Variants in LRRC7 observed in about 807,000 individuals in gnomAD.
LRRC7 encodes the protein leucine-rich repeat-containing protein 7.
LRRC7 carries 23 observed loss-of-function variants against 175.7 expected under a neutral mutation model. The ratio of observed to expected loss-of-function variants is 0.13; its 90% CI spans 0.09 to 0.19. The LOEUF (loss-of-function observed/expected upper bound fraction) is 0.19. Ranked by LOEUF, LRRC7 falls within the 10% of genes least tolerant of loss-of-function variation. LRRC7 has a pLI of 1.00. For missense variants in LRRC7, 1,354 were observed against 1,904.7 expected (o/e 0.71, Z 5.38); for synonymous variants, 685 against 680.9 (o/e 1.01, Z -0.09).
At chr1:69,617,435 T>G (rs1368306142) in intron 1 of LRRC7, among the ~76,000 whole-genome samples, 1 of 150,122 alleles carries the variant, frequency 6.7e-6, no homozygotes, top group African/African-American at 2.4e-5. Flanking sequence ...GTCTCCAATT[T>G]TAAAAAGTTT....
At chr1:69,690,874 A>G (rs1661772321) in intron 2 of LRRC7, among the ~76,000 whole-genome samples, 1 of 152,196 alleles carries the variant, frequency 6.6e-6, no homozygotes, top group African/African-American at 2.4e-5. Context: ...GGTAAGGAGA[A>G]TGAAATCATC....
chr1:69,919,315 A>G, intron 7 of LRRC7: 1 of 566,370 alleles, frequency 1.8e-6, no homozygotes, highest in Non-Finnish European at 3.1e-6. Context: ...ACCGTGTTCC[A>G]ATAAAACTTT....
intron 23 of LRRC7, among the ~76,000 whole-genome samples, chr1:70,073,734 G>A (rs1662563192): frequency 1.3e-5 from 2 of 152,192 alleles, no homozygotes; most frequent in Admixed American, 1.3e-4. Context: ...AGCACTGGCT[G>A]AAGACCCATG....
intron 1 of LRRC7, among the ~76,000 whole-genome samples, chr1:69,575,322 G>T (rs1179012903): frequency 1.3e-5 from 2 of 152,136 alleles, no homozygotes; most frequent in African/African-American, 4.8e-5. Context: ...TAATTCAATA[G>T]ATCCAATTAA....
Position 69,568,057 on chromosome 1 carries a change from G to A in LRRC7, c.-583G>A, listed in dbSNP as rs1646398843. Among the ~76,000 whole-genome samples, 1 of 152,056 alleles carries A rather than the reference G, an allele frequency of 6.6e-6. No homozygotes were observed. ...CGGCGGGACCTGCAGCCGCCCACTC[G>A]GGCCACCGCCACCGCCTCCTGCAGT... On this transcript the variant is annotated 5_prime_UTR_variant, in exon 1 of 27. Transcript: ENST00000651989.
chr1:69,807,660 G>A (rs1376145153), intron 4 of LRRC7, among the ~76,000 whole-genome samples: 1 of 152,014 alleles, frequency 6.6e-6, no homozygotes, highest in African/African-American at 2.4e-5. Context: ...TTCTGCCGAG[G>A]GATCCACTGT....
chr1:69,572,702 C>G (rs539844905), intron 1 of LRRC7, among the ~76,000 whole-genome samples: 7 of 152,150 alleles, frequency 4.6e-5, no homozygotes, highest in African/African-American at 1.7e-4. Flanking sequence ...TTAGGTAATA[C>G]ATCTCTTTTA....
Position 70,143,996 on chromosome 1 carries a change from A to G in LRRC7, c.*22109A>G, listed in dbSNP as rs1265245535. The G allele has an allele frequency of 1.3e-5, 2 of 152,202 alleles. No homozygotes were observed. The highest frequency in any genetic ancestry group is 1.3e-4 in the Admixed American group (2 of 15,274). The allele number at this position is 152,202 out of a possible 1,614,324, so 9.4% of individuals were successfully genotyped here. A position where few individuals can be genotyped will look rare whatever the true frequency, so the allele number is the denominator to read the frequency against. ...ATGTACTTACTGGTTTTTTTGCAGT[A>G]TGAGACCATAACAACCTTGAAAGCT... On this transcript the variant is annotated 3_prime_UTR_variant, in exon 27 of 27. Coordinates refer to ENST00000651989, the MANE Select transcript of LRRC7 (RefSeq NM_001370785.2).
At chr1:69,666,187 A>G (rs1032464775) in intron 1 of LRRC7, among the ~76,000 whole-genome samples, 2 of 152,078 alleles carry the variant, frequency 1.3e-5, no homozygotes, top group East Asian at 1.9e-4. Flanking sequence ...CTTGTTCATG[A>G]TAACTGATCT....
chr1:69,869,151 A>T (rs1482194462), intron 7 of LRRC7, among the ~76,000 whole-genome samples: 1 of 152,046 alleles, frequency 6.6e-6, no homozygotes, highest in East Asian at 1.9e-4. Flanking sequence ...TTTGGTAATC[A>T]TGTGGAGTTT....
intron 22 of LRRC7, among the ~76,000 whole-genome samples, chr1:70,052,369 ATAT>A (rs1660814306): frequency 6.6e-6 from 1 of 152,014 alleles, no homozygotes; most frequent in Admixed American, 6.6e-5. Context: ...TTAAATTTTA[ATAT>A]ATATCATTTA....
intron 7 of LRRC7, chr1:69,919,383 T>C (rs1483720124): frequency 1.6e-6 from 1 of 626,194 alleles, no homozygotes; most frequent in Non-Finnish European, 2.8e-6. Flanking sequence ...AACTGCCGCC[T>C]GGCTGGGAAA....
intron 4 of LRRC7, among the ~76,000 whole-genome samples, chr1:69,807,584 G>A (rs1557755255): frequency 6.6e-6 from 1 of 152,032 alleles, no homozygotes; most frequent in Non-Finnish European, 1.5e-5. Context: ...ATGAAATTCT[G>A]GGTTGAAAAT....
chr1:69,782,838 T>A (rs1351664588), intron 3 of LRRC7, among the ~76,000 whole-genome samples: 1 of 152,174 alleles, frequency 6.6e-6, no homozygotes. Flanking sequence ...TTCAGGTGGT[T>A]TGCAAGTTCC....
chr1:69,879,503 C>T (rs1686382169), intron 7 of LRRC7: 1 of 152,212 alleles, frequency 6.6e-6, no homozygotes, highest in Non-Finnish European at 1.5e-5. Context: ...TCCTGCCAAG[C>T]ACGGTTCCTA....
chr1:70,131,384 G>T lies in LRRC7; in HGVS notation c.*9497G>T, dbSNP rs1159330754. Among the ~76,000 whole-genome samples the T allele has an allele frequency of 2.6e-5, 4 of 152,108 alleles. No individual in the cohort carries two copies. Among genetic ancestry groups the T allele is most frequent in the Non-Finnish European group, 2.9e-5 (2 of 68,036 alleles). The stretch of plus-strand genomic sequence containing the variant: ...CCACAATCCCTTTATTACCTCATGG[G>T]ACCTTAATTTCCTTTCAAGTAAAAC... On this transcript the variant is annotated 3_prime_UTR_variant, in exon 27 of 27. Transcript: ENST00000651989.
intron 7 of LRRC7, among the ~76,000 whole-genome samples, chr1:69,903,875 C>T (rs559159526): frequency 6.6e-6 from 1 of 152,282 alleles, no homozygotes; most frequent in East Asian, 1.9e-4. Context: ...ACTATAAACA[C>T]CTCTATGCCA....
chr1:69,763,498 A>G (rs1476512088), intron 3 of LRRC7, among the ~76,000 whole-genome samples: 1 of 152,070 alleles, frequency 6.6e-6, no homozygotes, highest in African/African-American at 2.4e-5. Context: ...GTACAGAATT[A>G]GCTACTATAA....
chr1:69,818,685 T>C (rs929946751), intron 4 of LRRC7, among the ~76,000 whole-genome samples: 2 of 152,124 alleles, frequency 1.3e-5, no homozygotes, highest in Non-Finnish European at 2.9e-5. Flanking sequence ...ATATTAATTC[T>C]CCTTTCAACA....
Sources: allele counts gnomAD v4.1 joint callset (sites outside exome capture counted in the v4.1 genomes callset), GRCh38; gene constraint gnomAD v4.1.1; transcripts MANE v1.5; gene names NCBI Gene and HGNC (gene_info 2026-07-23, HGNC 2026-07-21).